FBXO42: variants seen among roughly 807,000 people sequenced by gnomAD.
The protein encoded by FBXO42 is F-box only protein 42.
A neutral mutation model predicts 71.7 loss-of-function variants in FBXO42; 12 were observed. The ratio of observed to expected loss-of-function variants is 0.17; its 90% CI spans 0.11 to 0.27. The LOEUF (loss-of-function observed/expected upper bound fraction) is 0.27, where lower values mean the gene tolerates loss of function less well. Ranked by LOEUF, FBXO42 falls within the 10% of genes least tolerant of loss-of-function variation. The probability of loss-of-function intolerance (pLI) is 1.00; values close to 1 mark genes in which losing one functional copy is unlikely to be tolerated. For missense variants in FBXO42, 707 were observed against 911.9 expected, an observed-to-expected ratio of 0.78 and a Z score of 2.89; for synonymous variants, 325 against 327.5, an observed-to-expected ratio of 0.99 and a Z score of 0.08.
intron 1 of FBXO42, among the ~76,000 whole-genome samples, chr1:16,334,159 C>A (rs959961875): frequency 2.6e-5 from 4 of 152,034 alleles, no homozygotes; most frequent in Admixed American, 2.0e-4. Context: ...CTAGGCCGGG[C>A]CCGGTGGCTC....
intron 1 of FBXO42, among the ~76,000 whole-genome samples, chr1:16,317,549 C>G (rs1366403675): frequency 1.3e-5 from 2 of 151,990 alleles, no homozygotes; most frequent in African/African-American, 2.4e-5. Flanking sequence ...TTAGCCAAGA[C>G]TGGCCACTGC....
intron 4 of FBXO42, among the ~76,000 whole-genome samples, chr1:16,265,397 A>C (rs2081760550): frequency 6.6e-6 from 1 of 152,158 alleles, no homozygotes; most frequent in South Asian, 2.1e-4. Flanking sequence ...GGCCTAAAAA[A>C]TATTTTTATA....
At chr1:16,332,545 C>CG (rs1557605154) in intron 1 of FBXO42, among the ~76,000 whole-genome samples, 2 of 141,670 alleles carry the variant, frequency 1.4e-5, no homozygotes, top group Non-Finnish European at 1.5e-5. Context: ...ATTTCTTTTC[C>CG]TTTTTTTTTT....
intron 4 of FBXO42, among the ~76,000 whole-genome samples, chr1:16,282,371 G>A (rs746548644): frequency 4.6e-5 from 7 of 151,498 alleles, no homozygotes; most frequent in South Asian, 2.1e-4. Context: ...GATTACAGGC[G>A]CCCACCACCA....
In FBXO42 at chr1:16,337,322, T is replaced by C. The variant is rs553550244; in HGVS notation, c.-18+14933A>G. On this transcript the variant is annotated intron_variant, in intron 1 of 9. Transcript: ENST00000375592. ...TCAGTAACCATTAAAATGTAGCTGGTATCAACACTAGATGAGAAAATGGAA... is the reference window on the plus strand; with the variant it reads ...TCAGTAACCATTAAAATGTAGCTGGCATCAACACTAGATGAGAAAATGGAA... 1.3e-3 allele frequency among the ~76,000 whole-genome samples: 200 copies of C among 152,210 alleles called. No individual in the cohort carries two copies. The Middle Eastern group carries it at 0.014, about 10-fold the overall frequency.
At chr1:16,253,502 C>T in intron 7 of FBXO42, 133 bp downstream of exon 7, 1 of 705,370 alleles carries the variant, frequency 1.4e-6, no homozygotes. Flanking sequence ...AAAATAAATA[C>T]CAGTAAAAAA....
intron 1 of FBXO42, among the ~76,000 whole-genome samples, chr1:16,323,234 T>A (rs2082422540): frequency 6.6e-6 from 1 of 151,556 alleles, no homozygotes; most frequent in Non-Finnish European, 1.5e-5. Context: ...CTGGCCAACA[T>A]GGTGAAACCC....
At chr1:16,321,499 C>T (rs1368872176) in intron 1 of FBXO42, among the ~76,000 whole-genome samples, 2 of 152,114 alleles carry the variant, frequency 1.3e-5, no homozygotes, top group East Asian at 1.9e-4. Context: ...AAAAGAAGTC[C>T]TTCTCACCCT....
chr1:16,302,089 A>G (rs1569886398), intron 3 of FBXO42, among the ~76,000 whole-genome samples: 1 of 152,214 alleles, frequency 6.6e-6, no homozygotes, highest in South Asian at 2.1e-4. Flanking sequence ...GACAGATGGT[A>G]ATAAATAATG....
intron 3 of FBXO42, among the ~76,000 whole-genome samples, chr1:16,303,855 C>T (rs2100551191): frequency 6.6e-6 from 1 of 152,274 alleles, no homozygotes; most frequent in East Asian, 1.9e-4. Context: ...ACGCCATTCT[C>T]CTGCTTCAGC....
At chr1:16,278,064 AT>A (rs1380865020) in intron 4 of FBXO42, among the ~76,000 whole-genome samples, 1 of 131,578 alleles carries the variant, frequency 7.6e-6, no homozygotes, top group Non-Finnish European at 1.6e-5. Flanking sequence ...ATTTTTAAAA[AT>A]CCACATCCAG....
chr1:16,323,938 C>T (rs2082430516), intron 1 of FBXO42, among the ~76,000 whole-genome samples: 1 of 151,970 alleles, frequency 6.6e-6, no homozygotes, highest in Non-Finnish European at 1.5e-5. Context: ...GACAAAGCAG[C>T]AACCCTGAAC....
At chr1:16,314,660 G>A (rs1489660949) in intron 2 of FBXO42, among the ~76,000 whole-genome samples, 8 of 152,124 alleles carry the variant, frequency 5.3e-5, no homozygotes, top group Non-Finnish European at 1.2e-4. Flanking sequence ...TGAGGCGGGC[G>A]GATCACGAGG....
intron 4 of FBXO42, among the ~76,000 whole-genome samples, chr1:16,273,569 G>A (rs1202170907): frequency 1.3e-5 from 2 of 150,846 alleles, no homozygotes; most frequent in East Asian, 3.9e-4. Flanking sequence ...TCCATCAACA[G>A]GAGAACAACT....
chr1:16,326,314 C>T (rs913781158), intron 1 of FBXO42, among the ~76,000 whole-genome samples: 3 of 151,444 alleles, frequency 2.0e-5, no homozygotes, highest in Non-Finnish European at 4.4e-5. Flanking sequence ...CCTGGGCCTC[C>T]CAAAGTGCTG....
intron 3 of FBXO42, among the ~76,000 whole-genome samples, chr1:16,295,671 G>A (rs1040748801): frequency 6.6e-6 from 1 of 152,098 alleles, no homozygotes; most frequent in Non-Finnish European, 1.5e-5. Flanking sequence ...GGGATTACAG[G>A]CATGAGCCAC....
intron 1 of FBXO42, among the ~76,000 whole-genome samples, chr1:16,337,883 C>CAAAAAAAAA (rs60328879): frequency 0.015 from 580 of 38,852 alleles, 126 homozygotes; most frequent in East Asian, 0.051. Flanking sequence ...GACTCCGTCT[C>CAAAAAAAAA]AAAAAAAAAA....
chr1:16,289,708 T>C (rs1306156331), intron 4 of FBXO42, among the ~76,000 whole-genome samples: 1 of 151,928 alleles, frequency 6.6e-6, no homozygotes, highest in Non-Finnish European at 1.5e-5. Flanking sequence ...AAACAAAAAG[T>C]CTCCTGTTTA....
chr1:16,330,599 C>G (rs1162623541), intron 1 of FBXO42, among the ~76,000 whole-genome samples: 1 of 151,972 alleles, frequency 6.6e-6, no homozygotes, highest in Non-Finnish European at 1.5e-5. Context: ...ACAAGGTCAA[C>G]AGATTGAGAC....
Sources: allele counts gnomAD v4.1 joint callset (sites outside exome capture counted in the v4.1 genomes callset), GRCh38; gene constraint gnomAD v4.1.1; transcripts MANE v1.5; gene names NCBI Gene and HGNC (gene_info 2026-07-23, HGNC 2026-07-21).